The following FNDC3A variants were observed in gnomAD, a reference collection of about 807,000 sequenced individuals.
The protein encoded by FNDC3A is fibronectin type III domain containing 3A, also known as fibronectin type-III domain-containing protein 3A.
FNDC3A carries 32 observed loss-of-function variants against 148.9 expected under a neutral mutation model. That is an observed-to-expected ratio of 0.21 (90% CI 0.16 to 0.29). The LOEUF is 0.29. FNDC3A is among the 10% of genes least tolerant of loss of function. The pLI, the probability that FNDC3A is intolerant of heterozygous loss-of-function variation, is 1.00. For missense variants in FNDC3A, 1,191 were observed against 1,452.8 expected (o/e 0.82, Z 2.93); for synonymous variants, 472 against 473.6 (o/e 1.00, Z 0.04).
chr13:49,204,954 G>A (rs1308258300), intron 25 of FNDC3A, among the ~76,000 whole-genome samples: 2 of 152,036 alleles, frequency 1.3e-5, no homozygotes, highest in Non-Finnish European at 2.9e-5. Context: ...ATTCTTAGAT[G>A]AATTTTTTTT....
At chr13:49,153,629 T>C (rs1883464378) in intron 8 of FNDC3A, among the ~76,000 whole-genome samples, 1 of 151,740 alleles carries the variant, frequency 6.6e-6, no homozygotes, top group Non-Finnish European at 1.5e-5. Context: ...CTAGGTTTTC[T>C]TCTAGGGTTT....
intron 4 of FNDC3A, among the ~76,000 whole-genome samples, chr13:49,117,533 T>C (rs1881046785): frequency 1.3e-5 from 2 of 152,224 alleles, no homozygotes; most frequent in South Asian, 4.1e-4. Context: ...AATATAATTA[T>C]GTACTGTTAG....
At chr13:49,024,452 T>C (rs1420762766) in intron 2 of FNDC3A, among the ~76,000 whole-genome samples, 1 of 151,948 alleles carries the variant, frequency 6.6e-6, no homozygotes, top group African/African-American at 2.4e-5. Flanking sequence ...ATATCCCTGA[T>C]GGACATAGAC....
At chr13:49,143,141 T>C (rs1882784129) in intron 7 of FNDC3A, among the ~76,000 whole-genome samples, 1 of 152,206 alleles carries the variant, frequency 6.6e-6, no homozygotes, top group African/African-American at 2.4e-5. Context: ...GTGCTGGGAT[T>C]ACAGGCATGA....
At chr13:49,086,383 G>A (rs1285877837) in intron 3 of FNDC3A, among the ~76,000 whole-genome samples, 1 of 152,064 alleles carries the variant, frequency 6.6e-6, no homozygotes, top group Non-Finnish European at 1.5e-5. Flanking sequence ...TGAAATGAGG[G>A]TGGGCTAGGG....
intron 5 of FNDC3A, among the ~76,000 whole-genome samples, chr13:49,134,249 AATATAC>A (rs1310429858): frequency 6.6e-6 from 1 of 152,176 alleles, no homozygotes; most frequent in Non-Finnish European, 1.5e-5. Context: ...ACTTCATATA[AATATAC>A]ATATAAGTAT....
chr13:49,019,566 C>T (rs1466151369), intron 2 of FNDC3A, among the ~76,000 whole-genome samples: 10 of 152,226 alleles, frequency 6.6e-5, no homozygotes, highest in East Asian at 1.9e-4. Flanking sequence ...CCATCTTCTG[C>T]GTCGCTCTCT....
chr13:49,013,828 A>G (rs1047221020), intron 2 of FNDC3A, among the ~76,000 whole-genome samples: 1 of 146,302 alleles, frequency 6.8e-6, no homozygotes, highest in African/African-American at 2.5e-5. Context: ...ATTCCCACCT[A>G]TGAGTGAGAA....
At position 49,182,872 on chromosome 13, in the gene FNDC3A, C is replaced by A. The variant is rs554219731; in HGVS notation, c.1618-3092C>A. Among the ~76,000 whole-genome samples, 5 of 152,124 alleles carry A rather than the reference C, an allele frequency of 3.3e-5. 1 individual carries two copies. In the South Asian group the frequency reaches 1.0e-3, roughly 32 times the overall value. The stretch of plus-strand genomic sequence containing the variant: ...GTCTTCTTGGTGTATCCCTCTCTTG[C>A]TTGGATATACCATCTTTTTGCCTTC... On this transcript the variant is annotated intron_variant, in intron 14 of 25. Transcript: ENST00000492622.
intron 3 of FNDC3A, among the ~76,000 whole-genome samples, chr13:49,078,628 G>A (rs1878272027): frequency 6.6e-6 from 1 of 152,192 alleles, no homozygotes; most frequent in Non-Finnish European, 1.5e-5. Flanking sequence ...GGGAACTGGG[G>A]TTGAAGTCTT....
chr13:49,126,357 A>G (rs1475296519), intron 4 of FNDC3A, among the ~76,000 whole-genome samples: 1 of 152,124 alleles, frequency 6.6e-6, no homozygotes, highest in Non-Finnish European at 1.5e-5. Context: ...GGCATTAGGT[A>G]CATTTACAGC....
intron 2 of FNDC3A, among the ~76,000 whole-genome samples, chr13:49,028,744 A>G (rs1305046486): frequency 1.3e-5 from 2 of 152,236 alleles, no homozygotes; most frequent in African/African-American, 4.8e-5. Flanking sequence ...ATCTGAAATA[A>G]TGATTGACAG....
rs187059822 is a variant in FNDC3A, at chr13:49,088,698, G to A, written c.175+13334G>A. 3.2e-4 allele frequency among the ~76,000 whole-genome samples: 49 copies of A among 151,858 alleles called. 1 individual carries two copies. In the East Asian group the frequency reaches 7.1e-3, roughly 22 times the overall value. Reference sequence around the variant, plus strand: ...GCATTCTCCTGTTTTTTTTCCAACCGCACTAGTACTTCCTTCTCAGTCTTT... The same window carrying A: ...GCATTCTCCTGTTTTTTTTCCAACCACACTAGTACTTCCTTCTCAGTCTTT... On this transcript the variant is annotated intron_variant, in intron 3 of 25. Coordinates refer to ENST00000492622, the MANE Select transcript of FNDC3A (RefSeq NM_001079673.2).
intron 8 of FNDC3A, among the ~76,000 whole-genome samples, chr13:49,161,694 C>A (rs1403742570): frequency 6.6e-6 from 1 of 152,140 alleles, no homozygotes. Flanking sequence ...CAGTTTCTTC[C>A]TAGCATCGAT....
chr13:49,137,746 AC>A (rs571525849), intron 6 of FNDC3A, among the ~76,000 whole-genome samples: 1 of 152,208 alleles, frequency 6.6e-6, no homozygotes, highest in Non-Finnish European at 1.5e-5. Context: ...TGGAGTTAGT[AC>A]CCAGTACTTT....
intron 2 of FNDC3A, among the ~76,000 whole-genome samples, chr13:49,023,313 T>C (rs901548737): frequency 2.0e-5 from 3 of 151,990 alleles, no homozygotes; most frequent in Non-Finnish European, 4.4e-5. Context: ...AAACAAAAAT[T>C]GGGCAAATTA....
chr13:48,979,885 A>C (rs1951667492), intron 1 of FNDC3A, among the ~76,000 whole-genome samples: 1 of 152,172 alleles, frequency 6.6e-6, no homozygotes, highest in Non-Finnish European at 1.5e-5. Context: ...TCAAGAGCCA[A>C]ACAAAAACAA....
intron 2 of FNDC3A, among the ~76,000 whole-genome samples, chr13:49,020,503 A>G (rs1057044773): frequency 6.6e-5 from 10 of 152,378 alleles, no homozygotes; most frequent in African/African-American, 2.4e-4. Context: ...TATTGCTCAT[A>G]CTGCACGTCC....
At chr13:49,164,404 T>G (rs1032983039) in intron 8 of FNDC3A, among the ~76,000 whole-genome samples, 1 of 152,224 alleles carries the variant, frequency 6.6e-6, no homozygotes, top group South Asian at 2.1e-4. Context: ...TATATCTGTT[T>G]CATATCTGAC....
Sources: gnomAD v4.1 joint callset for allele counts (sites outside exome capture counted in the v4.1 genomes callset) on GRCh38, gnomAD v4.1.1 for gene constraint, MANE v1.5 for transcripts, NCBI Gene and HGNC (gene_info 2026-07-23, HGNC 2026-07-21) for gene names.